The following CACNA1D variants were observed in gnomAD, a reference collection of about 807,000 sequenced individuals.
CACNA1D encodes the protein calcium voltage-gated channel subunit alpha1 D.
A neutral mutation model predicts 257.1 loss-of-function variants in CACNA1D; 55 were observed. The ratio of observed to expected loss-of-function variants is 0.21; its 90% confidence interval spans 0.17 to 0.27. The LOEUF (loss-of-function observed/expected upper bound fraction) is 0.27, where lower values mean the gene tolerates loss of function less well. CACNA1D is among the 10% of genes least tolerant of loss of function. The pLI is 1.00. For missense variants in CACNA1D, 1,876 were observed against 2,784.0 expected (o/e 0.67, Z 7.34); for synonymous variants, 980 against 1,014.9 (o/e 0.97, Z 0.65).
At chr3:53,628,095 T>C (rs2093780636) in intron 3 of CACNA1D, among the ~76,000 whole-genome samples, 1 of 152,192 alleles carries the variant, frequency 6.6e-6, no homozygotes, top group African/African-American at 2.4e-5. Flanking sequence ...CTGTCTTCTC[T>C]AATACCTGGG....
chr3:53,648,976 T>G lies in CACNA1D; in HGVS notation c.484-1803T>G, dbSNP rs148523764. On this transcript the variant is annotated intron_variant, in intron 3 of 47. Coordinates refer to ENST00000350061, the MANE Select transcript of CACNA1D (RefSeq NM_001128840.3). The stretch of plus-strand genomic sequence containing the variant: ...GCCCTGTCCTTGGAAGGAAGCCCTG[T>G]TATATGACCAGTGAAGAGTGGAGAA... 3.9e-5 allele frequency among the ~76,000 whole-genome samples: 6 copies of G among 152,212 alleles called. No individual in the cohort carries two copies. The East Asian group carries it at 7.7e-4, about 20-fold the overall frequency.
chr3:53,681,741 A>G (rs966632851), intron 8 of CACNA1D, among the ~76,000 whole-genome samples: 1 of 152,254 alleles, frequency 6.6e-6, no homozygotes, highest in African/African-American at 2.4e-5. Context: ...ATGCTTTGAA[A>G]GAAAGGTTCA....
At chr3:53,515,127 G>A (rs1037718589) in intron 3 of CACNA1D, among the ~76,000 whole-genome samples, 1 of 152,156 alleles carries the variant, frequency 6.6e-6, no homozygotes, top group Non-Finnish European at 1.5e-5. Context: ...ACTGAAGCCT[G>A]CCTCTACATG....
intron 3 of CACNA1D, among the ~76,000 whole-genome samples, chr3:53,566,494 C>T (rs2092840626): frequency 6.6e-6 from 1 of 152,210 alleles, no homozygotes; most frequent in African/African-American, 2.4e-5. Flanking sequence ...TGCCAGCCCT[C>T]CCTGAGTTCC....
Position 53,645,306 on chromosome 3 carries a change from A to G in CACNA1D, c.484-5473A>G, listed in dbSNP as rs377681550. On this transcript the variant is annotated intron_variant, in intron 3 of 47. Transcript: ENST00000350061. ...TGGTGGTTTTCCCTTTGTTGTGTGT[A>G]AGCGTTTTAGTTAGATGCCATCCCA... Among the ~76,000 whole-genome samples the G allele has an allele frequency of 2.0e-5, 3 of 152,070 alleles. No homozygotes were observed. The East Asian group carries it at 5.8e-4, about 29-fold the overall frequency.
chr3:53,722,491 T>C lies in CACNA1D; in HGVS notation c.1666+17T>C. The C allele has an allele frequency of 7.4e-6, 12 of 1,613,770 alleles. No individual in the cohort carries two copies. Among genetic ancestry groups the C allele is most frequent in the Non-Finnish European group, 9.3e-6 (11 of 1,179,672 alleles). The stretch of plus-strand genomic sequence containing the variant: ...AGATTCAAGGTACAAGCAGAGGCCA[T>C]TCCTTTTTTGTTCTGAACTAGAGAT... On this transcript the variant is annotated intron_variant, in intron 12 of 47. Coordinates refer to ENST00000350061, the MANE Select transcript of CACNA1D (RefSeq NM_001128840.3).
chr3:53,718,593 C>T (rs2094846543), intron 10 of CACNA1D: 1 of 924,556 alleles, frequency 1.1e-6, no homozygotes, highest in East Asian at 2.6e-5. Context: ...CCCCCCCGCC[C>T]CCCGGCCCAG....
intron 3 of CACNA1D, among the ~76,000 whole-genome samples, chr3:53,545,374 G>A (rs1325457359): frequency 1.3e-5 from 2 of 152,232 alleles, no homozygotes; most frequent in East Asian, 1.9e-4. Flanking sequence ...CATGGAGCTC[G>A]TGAGAGAGCA....
At chr3:53,614,465 C>T (rs1177160785) in intron 3 of CACNA1D, among the ~76,000 whole-genome samples, 1 of 152,162 alleles carries the variant, frequency 6.6e-6, no homozygotes, top group African/African-American at 2.4e-5. Context: ...AAGTGCTGGC[C>T]AGTGGGTGCT....
rs773839644 is a variant in CACNA1D, at chr3:53,753,554, C to T, written c.3676-18C>T. 10 of 1,508,020 alleles carry T rather than the reference C, an allele frequency of 6.6e-6. No individual in the cohort carries two copies. Among genetic ancestry groups the T allele is most frequent in the Non-Finnish European group, 5.5e-6 (6 of 1,083,098 alleles). 93.4% of individuals were successfully genotyped at this position (1,508,020 alleles called of 1,614,324 possible). On this transcript the variant is annotated intron_variant, in intron 28 of 47. Coordinates refer to ENST00000350061, the MANE Select transcript of CACNA1D (RefSeq NM_001128840.3). ...GTGGCTGAGGCTCTGAGAACGGTCC[C>T]TCTGTCTTCATCCATAGCACTACGA...
intron 9 of CACNA1D, among the ~76,000 whole-genome samples, chr3:53,713,543 T>TGTGTGTGTGTGA (rs377132134): frequency 0.011 from 1,310 of 120,936 alleles, 25 homozygotes; most frequent in African/African-American, 0.031. Context: ...TGTGTGTGTG[T>TGTGTGTGTGTGA]GAGAGATTTG....
chr3:53,651,048 C>A, intron 4 of CACNA1D, 130 bp downstream of exon 4: 1 of 821,186 alleles, frequency 1.2e-6, no homozygotes, highest in Non-Finnish European at 2.1e-6. Context: ...TGCACCAGAA[C>A]CTCTCAGGAG....
intron 3 of CACNA1D, among the ~76,000 whole-genome samples, chr3:53,625,236 A>T (rs3774484): frequency 0.025 from 3,797 of 152,230 alleles, 124 homozygotes; most frequent in East Asian, 0.083. Context: ...AAGGTTAGTG[A>T]GGGCAGCTGC....
chr3:53,569,392 G>C (rs991835332), intron 3 of CACNA1D, among the ~76,000 whole-genome samples: 1 of 152,182 alleles, frequency 6.6e-6, no homozygotes, highest in African/African-American at 2.4e-5. Context: ...TGTCATCTCT[G>C]TGCTCTCCAC....
At chr3:53,533,712 G>A (rs1449311497) in intron 3 of CACNA1D, among the ~76,000 whole-genome samples, 1 of 152,184 alleles carries the variant, frequency 6.6e-6, no homozygotes, top group African/African-American at 2.4e-5. Context: ...CGCTGAGCAC[G>A]TGCAGCTGCT....
chr3:53,691,497 G>A (rs777878535), intron 8 of CACNA1D, among the ~76,000 whole-genome samples: 1 of 150,684 alleles, frequency 6.6e-6, no homozygotes, highest in Non-Finnish European at 1.5e-5. Context: ...CTCATCATTG[G>A]GAAAAATTTT....
Position 53,660,270 on chromosome 3 carries a change from T to G in CACNA1D, c.761T>G (p.Val254Gly). The change falls in exon 5 of 48, where the codon GTG becomes GGG. Residue 254 changes from valine to glycine, a missense_variant. By Grantham distance (109) the Val-to-Gly change is moderately radical (BLOSUM62 -3). This residue lies in a region of CACNA1D where 188 missense variants were observed against 390.4 expected (regional missense o/e 0.48). Transcript: ENST00000350061. ...CGACCACTTCGACTAGTGTCAGGAGTGCCCAGTAAGCACTTATTGTTTCCT... is the reference window on the plus strand; with the variant it reads ...CGACCACTTCGACTAGTGTCAGGAGGGCCCAGTAAGCACTTATTGTTTCCT... Reference protein sequence around the residue: ...VLRPLRLVSGVPSLQVVLNSI... With the variant: ...VLRPLRLVSGGPSLQVVLNSI... 1 of 1,613,840 alleles carries G rather than the reference T, an allele frequency of 6.2e-7. No homozygotes were observed. Among genetic ancestry groups the G allele is most frequent in the Non-Finnish European group, 8.5e-7 (1 of 1,179,930 alleles).
At chr3:53,749,808 C>T (rs2095209534) in intron 27 of CACNA1D, among the ~76,000 whole-genome samples, 1 of 152,196 alleles carries the variant, frequency 6.6e-6, no homozygotes, top group African/African-American at 2.4e-5. Context: ...CATTCACAGT[C>T]CCTACTGGGA....
intron 23 of CACNA1D, 62 bp from the exon 24 acceptor site, chr3:53,745,562 T>C: frequency 9.7e-7 from 1 of 1,026,708 alleles, no homozygotes; most frequent in Non-Finnish European, 1.6e-6. Context: ...TGTCGGCTGA[T>C]GTTAGCTCAC....
Sources: gnomAD v4.1 joint callset for allele counts (sites outside exome capture counted in the v4.1 genomes callset) on GRCh38, gnomAD v4.1.1 for gene constraint, gnomAD v4.1.1 regional missense constraint, MANE v1.5 for transcripts, NCBI Gene and HGNC (gene_info 2026-07-23, HGNC 2026-07-21) for gene names.